Variants in DLGAP2 observed in about 807,000 individuals in gnomAD.
DLGAP2 encodes DLG associated protein 2.
Under a neutral mutation model 100.3 loss-of-function variants are expected in DLGAP2, and 26 were observed. That is an observed-to-expected ratio of 0.26 (90% confidence interval 0.19 to 0.36). The LOEUF is 0.36. DLGAP2 is among the 10% of genes least tolerant of loss of function. The pLI, the probability that DLGAP2 is intolerant of heterozygous loss-of-function variation, is 1.00. For synonymous variants in DLGAP2, 886 were observed against 630.1 expected (o/e 1.41, Z -6.08); for missense variants, 1,858 against 1,453.2 (o/e 1.28, Z -4.53).
At chr8:1,569,737 G>T (rs1398366465) in intron 6 of DLGAP2, among the ~76,000 whole-genome samples, 1 of 152,252 alleles carries the variant, frequency 6.6e-6, no homozygotes, top group Non-Finnish European at 1.5e-5. Flanking sequence ...AAGCCACCAA[G>T]GCTCTCAGCT....
At chr8:1,349,196 G>A (rs1480988972) in intron 3 of DLGAP2, among the ~76,000 whole-genome samples, 2 of 150,380 alleles carry the variant, frequency 1.3e-5, no homozygotes, top group Non-Finnish European at 2.9e-5. Flanking sequence ...TGTGTCGTAC[G>A]CTCACATTAA....
At chr8:1,360,696 GC>G (rs893415605) in intron 3 of DLGAP2, among the ~76,000 whole-genome samples, 23 of 152,042 alleles carry the variant, frequency 1.5e-4, no homozygotes, top group Middle Eastern at 6.3e-3. Context: ...ACACCACACC[GC>G]CCCCACCATG....
intron 1 of DLGAP2, chr8:753,909 C>A (rs28713261): frequency 0.28 from 42,430 of 152,210 alleles, 7,465 homozygotes; most frequent in Non-Finnish European, 0.4. Flanking sequence ...GTGTGATTGC[C>A]GCAGGAAGGG....
intron 1 of DLGAP2, among the ~76,000 whole-genome samples, chr8:853,024 A>T (rs1244266151): frequency 6.6e-6 from 1 of 152,228 alleles, no homozygotes; most frequent in Non-Finnish European, 1.5e-5. Context: ...TTAAATAGTT[A>T]CAGATACTTT....
At chr8:1,180,848 G>T (rs1797371175) in intron 2 of DLGAP2, among the ~76,000 whole-genome samples, 1 of 148,676 alleles carries the variant, frequency 6.7e-6, no homozygotes, top group Non-Finnish European at 1.5e-5. Context: ...TGCAAGGGCA[G>T]TACACTTACC....
chr8:1,348,351 ACATTGCACTCATGGTAGCTG>A (rs1801617356), intron 3 of DLGAP2, among the ~76,000 whole-genome samples: 2 of 57,022 alleles, frequency 3.5e-5, no homozygotes, highest in South Asian at 1.4e-3. Context: ...ACACAGAGCT[ACATTGCACTCATGGTAGCTG>A]TGTGGAGGTT....
chr8:1,216,815 C>G (rs555491640), intron 2 of DLGAP2, among the ~76,000 whole-genome samples: 32 of 152,102 alleles, frequency 2.1e-4, no homozygotes, highest in Non-Finnish European at 4.0e-4. Context: ...CAGTAGTAAC[C>G]TAATCAGGGA....
At chr8:1,418,638 G>C (rs756025226) in intron 3 of DLGAP2, among the ~76,000 whole-genome samples, 1 of 152,130 alleles carries the variant, frequency 6.6e-6, no homozygotes, top group Non-Finnish European at 1.5e-5. Context: ...CCAAATGCAA[G>C]AAAAATTCCA....
intron 2 of DLGAP2, among the ~76,000 whole-genome samples, chr8:1,101,550 C>T (rs781694794): frequency 3.9e-4 from 60 of 152,128 alleles, no homozygotes; most frequent in Middle Eastern, 3.4e-3. Flanking sequence ...CATTTCATGG[C>T]GGCAGACGCT....
chr8:1,271,236 C>G (rs535370561), intron 3 of DLGAP2, among the ~76,000 whole-genome samples: 2 of 152,072 alleles, frequency 1.3e-5, no homozygotes, highest in African/African-American at 4.8e-5. Context: ...GGTAAAAATC[C>G]AGCTTTCTCC....
intron 1 of DLGAP2, among the ~76,000 whole-genome samples, chr8:792,458 T>TTTCA (rs1228839005): frequency 3.9e-5 from 6 of 152,362 alleles, no homozygotes; most frequent in African/African-American, 1.4e-4. Context: ...TCCTTTCATG[T>TTTCA]TTCACCATAA....
intron 2 of DLGAP2, among the ~76,000 whole-genome samples, chr8:1,109,103 CGGGTCTGTG>C (rs1804873200): frequency 1.2e-5 from 1 of 82,634 alleles, no homozygotes; most frequent in Non-Finnish European, 2.4e-5. Context: ...GAGGTGTGCA[CGGGTCTGTG>C]AGGTGTGCAC....
chr8:1,364,526 A>G (rs1298198637), intron 3 of DLGAP2, among the ~76,000 whole-genome samples: 5 of 151,720 alleles, frequency 3.3e-5, no homozygotes, highest in Non-Finnish European at 7.4e-5. Flanking sequence ...CGAAGCAGAC[A>G]CATTTTCCCT....
At chr8:1,468,885 C>T (rs1176481846) in intron 3 of DLGAP2, among the ~76,000 whole-genome samples, 1 of 152,176 alleles carries the variant, frequency 6.6e-6, no homozygotes, top group African/African-American at 2.4e-5. Flanking sequence ...AGACTCTCTT[C>T]CCGTGTCCAT....
chr8:810,586 T>A (rs1585888613), intron 1 of DLGAP2, among the ~76,000 whole-genome samples: 2 of 152,352 alleles, frequency 1.3e-5, no homozygotes, highest in East Asian at 1.9e-4. Flanking sequence ...TGTGCTGCAA[T>A]TTTTTTAACC....
intron 1 of DLGAP2, among the ~76,000 whole-genome samples, chr8:761,802 C>A (rs879907311): frequency 2.0e-5 from 3 of 152,198 alleles, no homozygotes; most frequent in South Asian, 4.1e-4. Flanking sequence ...ACCCCTCTGT[C>A]CCGGGCTAGC....
At chr8:865,270 T>C (rs1797472512) in intron 1 of DLGAP2, among the ~76,000 whole-genome samples, 2 of 152,220 alleles carry the variant, frequency 1.3e-5, no homozygotes, top group Admixed American at 1.3e-4. Context: ...TTCTGTTAAA[T>C]TCCAGTTAAT....
chr8:1,332,256 G>A (rs1421833074), intron 3 of DLGAP2, among the ~76,000 whole-genome samples: 1 of 152,148 alleles, frequency 6.6e-6, no homozygotes, highest in African/African-American at 2.4e-5. Flanking sequence ...ATATGCATGT[G>A]TATATGTGTT....
intron 4 of DLGAP2, among the ~76,000 whole-genome samples, chr8:1,516,275 GTGAC>G (rs1351139129): frequency 1.3e-5 from 2 of 152,170 alleles, no homozygotes; most frequent in South Asian, 4.2e-4. Context: ...ACACAAATGA[GTGAC>G]TGAATGAGTG....
Sources: gnomAD v4.1 joint callset for allele counts (sites outside exome capture counted in the v4.1 genomes callset) on GRCh38, gnomAD v4.1.1 for gene constraint, MANE v1.5 for transcripts, NCBI Gene and HGNC (gene_info 2026-07-23, HGNC 2026-07-21) for gene names.